Variants in NELL2 observed in about 807,000 individuals in gnomAD.
NELL2 encodes neural EGFL like 2.
Under a neutral mutation model 109.6 loss-of-function variants are expected in NELL2, and 41 were observed. The observed-to-expected ratio is 0.37, with a 90% CI of 0.29 to 0.49. The LOEUF (loss-of-function observed/expected upper bound fraction) is 0.49, where lower values mean the gene tolerates loss of function less well. NELL2 is among the 20% of genes least tolerant of loss of function. The probability of loss-of-function intolerance (pLI) is 0.98; values close to 1 mark genes in which losing one functional copy is unlikely to be tolerated. For missense variants in NELL2, 900 were observed against 1,008.3 expected, an observed-to-expected ratio of 0.89 and a Z score of 1.45; for synonymous variants, 355 against 344.7, an observed-to-expected ratio of 1.03 and a Z score of -0.33.
intron 9 of NELL2, among the ~76,000 whole-genome samples, chr12:44,732,133 A>T (rs1939402124): frequency 6.6e-6 from 1 of 152,016 alleles, no homozygotes; most frequent in Non-Finnish European, 1.5e-5. Flanking sequence ...TTGTTAAAAT[A>T]TTTGTACTAT....
intron 2 of NELL2, among the ~76,000 whole-genome samples, chr12:44,844,126 C>A (rs953775946): frequency 2.6e-5 from 4 of 152,148 alleles, no homozygotes; most frequent in African/African-American, 9.7e-5. Context: ...GAGTAGAATG[C>A]TGCATGAAGC....
chr12:44,703,646 A>G lies in NELL2; in HGVS notation c.1318+80T>C, dbSNP rs941208457. ...TTTTAATGGGCCCATCAACTTGACA[A>G]CCTGGGAACTTAATAAATTTTGCAT... is the stretch of plus-strand genomic sequence containing the variant. On this transcript the variant is annotated intron_variant, in intron 12 of 19. Transcript: ENST00000429094. 17 of 1,479,130 alleles carry G rather than the reference A, an allele frequency of 1.1e-5. No homozygotes were observed. In the African/African-American group the frequency reaches 2.1e-4, roughly 18 times the overall value. The allele number at this position is 1,479,130 out of a possible 1,614,324, so 91.6% of individuals were successfully genotyped here. A position where few individuals can be genotyped will look rare whatever the true frequency, so the allele number is the denominator to read the frequency against.
chr12:44,742,115 C>G (rs1027558165), intron 9 of NELL2, among the ~76,000 whole-genome samples: 4 of 152,102 alleles, frequency 2.6e-5, no homozygotes, highest in African/African-American at 7.2e-5. Context: ...GACAAAACTT[C>G]CAGAGGAACG....
intron 17 of NELL2, 125 bp downstream of exon 17, chr12:44,523,166 T>C (rs1244436777): frequency 2.1e-6 from 2 of 932,758 alleles, no homozygotes; most frequent in East Asian, 2.5e-5. Flanking sequence ...TGTTCTGTTA[T>C]ATTAATTGTG....
intron 9 of NELL2, among the ~76,000 whole-genome samples, chr12:44,763,928 G>A (rs185312732): frequency 1.3e-5 from 2 of 152,220 alleles, no homozygotes; most frequent in East Asian, 3.9e-4. Flanking sequence ...AGTTGGAAGA[G>A]AACAGTTTAA....
intron 15 of NELL2, among the ~76,000 whole-genome samples, chr12:44,543,161 T>C (rs1399373409): frequency 2.0e-5 from 3 of 152,168 alleles, no homozygotes; most frequent in Non-Finnish European, 4.4e-5. Flanking sequence ...TCATTTCCAC[T>C]TGGATACAAA....
At chr12:44,565,848 G>A (rs997927669) in intron 15 of NELL2, among the ~76,000 whole-genome samples, 2 of 152,180 alleles carry the variant, frequency 1.3e-5, no homozygotes, top group Admixed American at 6.5e-5. Context: ...GGAAACGAGA[G>A]AAGATGAAGC....
exon 1 of NELL2, chr12:44,913,860 G>T (rs146034840): frequency 1.2e-5 from 9 of 726,212 alleles, no homozygotes; most frequent in East Asian, 1.2e-4. Flanking sequence ...TGTCTAAAAG[G>T]TTCTTTTTTC....
At chr12:44,913,179 G>C (rs982675914) in intron 1 of NELL2, among the ~76,000 whole-genome samples, 7 of 152,060 alleles carry the variant, frequency 4.6e-5, no homozygotes, top group Admixed American at 1.3e-4. Context: ...TCAGTAGCCT[G>C]TTTAGATATA....
At chr12:44,921,045 CTT>C (rs900486367) in intron 1 of NELL2, among the ~76,000 whole-genome samples, 9 of 152,182 alleles carry the variant, frequency 5.9e-5, no homozygotes, top group African/African-American at 2.2e-4. Context: ...TACGTACACA[CTT>C]TTATAGTTAG....
intron 2 of NELL2, among the ~76,000 whole-genome samples, chr12:44,850,781 C>T (rs1041280943): frequency 1.3e-5 from 2 of 152,126 alleles, no homozygotes; most frequent in South Asian, 2.1e-4. Context: ...CATTAAAGCC[C>T]TTGCAATACC....
At chr12:44,887,457 A>G (rs1945486541) in intron 1 of NELL2, among the ~76,000 whole-genome samples, 1 of 151,928 alleles carries the variant, frequency 6.6e-6, no homozygotes, top group African/African-American at 2.4e-5. Flanking sequence ...TTTTTATAAA[A>G]GCCGTTTTAA....
chr12:44,728,352 T>C (rs1433071506), intron 9 of NELL2, among the ~76,000 whole-genome samples: 1 of 151,864 alleles, frequency 6.6e-6, no homozygotes, highest in African/African-American at 2.4e-5. Flanking sequence ...AATTGAAAAA[T>C]CCACTAGAGG....
At chr12:44,540,781 C>CAAAAAAAAAAAAAAA (rs57205620) in intron 15 of NELL2, among the ~76,000 whole-genome samples, 1,592 of 49,540 alleles carry the variant, frequency 0.032, 467 homozygotes, top group East Asian at 0.056. Context: ...GTCTGCAAGC[C>CAAAAAAAAAAAAAAA]AAAAAAAAAA....
chr12:44,850,354 T>C (rs949467706), intron 2 of NELL2, among the ~76,000 whole-genome samples: 1 of 152,154 alleles, frequency 6.6e-6, no homozygotes, highest in Non-Finnish European at 1.5e-5. Context: ...GTAAATGAGA[T>C]AGTGTTAGAG....
chr12:44,745,792 A>T (rs1319385582), intron 9 of NELL2, among the ~76,000 whole-genome samples: 2 of 152,206 alleles, frequency 1.3e-5, no homozygotes, highest in Non-Finnish European at 2.9e-5. Context: ...TCAATGAAAT[A>T]AAAGAGGATA....
intron 15 of NELL2, among the ~76,000 whole-genome samples, chr12:44,587,013 C>T (rs1944532483): frequency 6.6e-6 from 1 of 151,936 alleles, no homozygotes; most frequent in Non-Finnish European, 1.5e-5. Context: ...TGGCTCACGC[C>T]TGTAATCCCG....
chr12:44,896,890 TC>T (rs768658097), intron 1 of NELL2, among the ~76,000 whole-genome samples: 5 of 152,200 alleles, frequency 3.3e-5, no homozygotes, highest in Non-Finnish European at 5.9e-5. Flanking sequence ...AGAGAAGCCC[TC>T]AGCTGTGAAA....
chr12:44,532,630 A>T lies in NELL2; in HGVS notation c.1755T>A (p.Asp585Glu). 1.2e-6 allele frequency: 2 copies of T among 1,613,696 alleles called. No individual in the cohort carries two copies. The highest frequency in any genetic ancestry group is 1.7e-6 in the Non-Finnish European group (2 of 1,179,696). Residue 585 changes from aspartate (D) to glutamate (E), a missense_variant, in exon 16 of 20, where the codon GAT becomes GAA. Coordinates refer to ENST00000429094, the MANE Select transcript of NELL2 (RefSeq NM_001145108.2). ...AAAACATCCCATTGTCATGGTAGCC[A>T]TCTCTGCACTCACAGTGGTACCATC... ...LPGWYHCECR[D>E]GYHDNGMFSP...
Sources: allele counts gnomAD v4.1 joint callset (sites outside exome capture counted in the v4.1 genomes callset), GRCh38; gene constraint gnomAD v4.1.1; transcripts MANE v1.5; gene names NCBI Gene and HGNC (gene_info 2026-07-23, HGNC 2026-07-21).